The following NTNG1 variants were observed in gnomAD, a reference collection of about 807,000 sequenced individuals.
NTNG1 encodes the protein netrin-G1.
NTNG1 carries 16 observed loss-of-function variants against 54.0 expected under a neutral mutation model. The observed-to-expected ratio is 0.30, with a 90% CI of 0.20 to 0.45. The LOEUF (loss-of-function observed/expected upper bound fraction) is 0.45, where lower values mean the gene tolerates loss of function less well. Ranked by LOEUF, NTNG1 falls within the 20% of genes least tolerant of loss-of-function variation. The pLI, the probability that NTNG1 is intolerant of heterozygous loss-of-function variation, is 1.00. For missense variants in NTNG1, 530 were observed against 678.7 expected (o/e 0.78, Z 2.43); for synonymous variants, 255 against 263.1 (o/e 0.97, Z 0.30).
Position 107,206,128 on chromosome 1 carries a change from G to A in NTNG1, c.246+57289G>A, listed in dbSNP as rs115737650. ...TCTATTAGGTGTATACCTTGGAGAA[G>A]TCTAATTGCTGGGTCATAATGTATG... On this transcript the variant is annotated intron_variant, in intron 2 of 7. Coordinates refer to ENST00000370068, the MANE Select transcript of NTNG1 (RefSeq NM_001113226.3). Among the ~76,000 whole-genome samples, 734 of 152,128 alleles carry A rather than the reference G, an allele frequency of 4.8e-3. 8 individuals are homozygous for A. Among genetic ancestry groups the A allele is most frequent in the African/African-American group, 0.017 (692 of 41,520 alleles).
At chr1:107,266,493 A>G (rs982532363) in intron 2 of NTNG1, among the ~76,000 whole-genome samples, 3 of 152,136 alleles carry the variant, frequency 2.0e-5, no homozygotes, top group African/African-American at 7.2e-5. Context: ...AGTCACCATC[A>G]TGAAAGCAGC....
intron 2 of NTNG1, among the ~76,000 whole-genome samples, chr1:107,264,641 A>G (rs1290045745): frequency 6.6e-6 from 1 of 152,192 alleles, no homozygotes; most frequent in African/African-American, 2.4e-5. Context: ...TTTTAAAATG[A>G]AAATCATTTT....
chr1:107,264,757 C>G (rs1238432679), intron 2 of NTNG1, among the ~76,000 whole-genome samples: 3 of 152,140 alleles, frequency 2.0e-5, no homozygotes, highest in African/African-American at 7.2e-5. Context: ...ATGTTTGGCC[C>G]CATCTGTGGT....
intron 7 of NTNG1, among the ~76,000 whole-genome samples, chr1:107,477,889 C>A (rs985547564): frequency 6.6e-6 from 1 of 152,188 alleles, no homozygotes; most frequent in African/African-American, 2.4e-5. Flanking sequence ...TTGATAAGGG[C>A]ATTTTAATGA....
chr1:107,228,735 C>G (rs965021603), intron 2 of NTNG1, among the ~76,000 whole-genome samples: 2 of 152,112 alleles, frequency 1.3e-5, no homozygotes, highest in African/African-American at 4.8e-5. Flanking sequence ...CAGATTCATA[C>G]AATAATAGTG....
chr1:107,386,129 A>G (rs1223547471), intron 3 of NTNG1, among the ~76,000 whole-genome samples: 4 of 140,708 alleles, frequency 2.8e-5, no homozygotes, highest in Non-Finnish European at 6.1e-5. Flanking sequence ...ACTTATATGT[A>G]TGTATATATA....
chr1:107,388,151 C>G (rs1161800789), intron 3 of NTNG1, among the ~76,000 whole-genome samples: 1 of 152,134 alleles, frequency 6.6e-6, no homozygotes, highest in African/African-American at 2.4e-5. Context: ...CATAGACTAT[C>G]CCATTAATTA....
chr1:107,190,119 A>G (rs1657791765), intron 2 of NTNG1, among the ~76,000 whole-genome samples: 1 of 152,164 alleles, frequency 6.6e-6, no homozygotes, highest in Non-Finnish European at 1.5e-5. Flanking sequence ...GTAAAATCCT[A>G]GAGACAGAAA....
At chr1:107,161,361 G>T (rs1006843279) in intron 2 of NTNG1, among the ~76,000 whole-genome samples, 2 of 152,002 alleles carry the variant, frequency 1.3e-5, no homozygotes, top group Admixed American at 6.6e-5. Context: ...ATAAATACAC[G>T]TGCAACCACA....
At chr1:107,194,300 T>G (rs1051641312) in intron 2 of NTNG1, among the ~76,000 whole-genome samples, 1 of 151,982 alleles carries the variant, frequency 6.6e-6, no homozygotes, top group Non-Finnish European at 1.5e-5. Context: ...AGTCTCTGGT[T>G]TTAAATCACT....
intron 3 of NTNG1, among the ~76,000 whole-genome samples, chr1:107,361,658 G>A (rs959518924): frequency 1.3e-5 from 2 of 151,852 alleles, no homozygotes; most frequent in Admixed American, 6.6e-5. Flanking sequence ...AAAGTGCTGG[G>A]ATTACAGGTG....
intron 2 of NTNG1, among the ~76,000 whole-genome samples, chr1:107,256,541 A>C (rs1319156444): frequency 6.6e-6 from 1 of 152,236 alleles, no homozygotes; most frequent in African/African-American, 2.4e-5. Flanking sequence ...AAGTTAGCGT[A>C]ACAGAGCCCA....
chr1:107,235,383 T>C (rs562444854), intron 2 of NTNG1, among the ~76,000 whole-genome samples: 1 of 152,202 alleles, frequency 6.6e-6, no homozygotes, highest in African/African-American at 2.4e-5. Context: ...ATGACCTACA[T>C]CTTCATACCT....
Position 107,142,675 on chromosome 1 carries a change from G to GAA in NTNG1, c.-526+1547_-526+1548dup, listed in dbSNP as rs71579434. On this transcript the variant is annotated intron_variant, in intron 1 of 7. Transcript: ENST00000370068. Reference sequence around the variant, plus strand: ...AAAAGTTGTTTTATCTTACAGAAATGAAAAAAAAAAAAACCCAGGAAGATC... The same window carrying GAA: ...AAAAGTTGTTTTATCTTACAGAAATGAAAAAAAAAAAAAAACCCAGGAAGATC... Among the ~76,000 whole-genome samples, 974 of 131,326 alleles carry GAA rather than the reference G, an allele frequency of 7.4e-3. 13 individuals carry two copies. Among genetic ancestry groups the GAA allele is most frequent in the African/African-American group, 0.024 (880 of 36,712 alleles). The allele number at this position is 131,326 out of a possible 152,430, so 86.2% of individuals were successfully genotyped here.
Position 107,480,699 on chromosome 1 carries a change from G to C in NTNG1, c.1479G>C (p.Thr493=), listed in dbSNP as rs375220736. Residue 493 remains threonine (T), a synonymous_variant, in exon 8 of 8, where the codon ACG becomes ACC. Transcript: ENST00000370068. ...NVRCLCPAAY[T]GILCEKLRCE... ...GCTGCCTGTGCCCGGCCGCATACAC[G>C]GGCATCCTCTGCGAGAAGCTGCGGT... 61 of 1,610,764 alleles carry C rather than the reference G, an allele frequency of 3.8e-5. No individual in the cohort carries two copies. Among genetic ancestry groups the C allele is most frequent in the Non-Finnish European group, 5.0e-5 (59 of 1,179,408 alleles).
chr1:107,348,251 G>T (rs144170977), intron 3 of NTNG1, among the ~76,000 whole-genome samples: 136 of 152,082 alleles, frequency 8.9e-4, no homozygotes, highest in African/African-American at 3.2e-3. Flanking sequence ...TCAACCTCCT[G>T]AGTAGCTGGG....
intron 7 of NTNG1, among the ~76,000 whole-genome samples, chr1:107,442,934 A>C (rs1570972077): frequency 1.3e-5 from 2 of 152,144 alleles, no homozygotes; most frequent in African/African-American, 4.8e-5. Context: ...AGCATTTTCC[A>C]ACAGTTACGC....
intron 3 of NTNG1, among the ~76,000 whole-genome samples, chr1:107,389,205 A>G (rs1476825389): frequency 1.3e-5 from 2 of 152,246 alleles, no homozygotes; most frequent in Non-Finnish European, 2.9e-5. Context: ...CATCCACTTC[A>G]TGGTGAATCC....
At chr1:107,262,119 G>T (rs1474706853) in intron 2 of NTNG1, among the ~76,000 whole-genome samples, 2 of 152,114 alleles carry the variant, frequency 1.3e-5, no homozygotes, top group African/African-American at 4.8e-5. Context: ...ACGTTACAAA[G>T]ACTTTTTCTG....
Sources: allele counts gnomAD v4.1 joint callset (sites outside exome capture counted in the v4.1 genomes callset), GRCh38; gene constraint gnomAD v4.1.1; transcripts MANE v1.5; gene names NCBI Gene and HGNC (gene_info 2026-07-23, HGNC 2026-07-21).